The following ATP2C1 variants were observed in gnomAD, a reference collection of about 807,000 sequenced individuals.
ATP2C1 encodes the protein calcium-transporting ATPase type 2C member 1.
In ATP2C1, 31 loss-of-function variants were observed where a neutral mutation model predicts 120.5. The observed-to-expected ratio is 0.26, with a 90% confidence interval of 0.19 to 0.35. ATP2C1 has a LOEUF of 0.35. ATP2C1 is among the 10% of genes least tolerant of loss of function. The pLI is 1.00. For missense variants in ATP2C1, 731 were observed against 1,107.5 expected (o/e 0.66, Z 4.83); for synonymous variants, 351 against 358.7 (o/e 0.98, Z 0.24).
At position 130,932,157 on chromosome 3, in the gene ATP2C1, C is replaced by G; in HGVS notation, c.234+19C>G. On this transcript the variant is annotated intron_variant, in intron 4 of 27. Coordinates refer to ENST00000510168, the MANE Select transcript of ATP2C1 (RefSeq NM_001378687.1). ...TTCTCAGGTGAGATACTTTTACTTC[C>G]TCTTCTACTGTGTAATTTATTAATA... 7.2e-7 allele frequency: 1 copy of G among 1,385,214 alleles called. No individual in the cohort carries two copies. The highest frequency in any genetic ancestry group is 1.0e-6 in the Non-Finnish European group (1 of 971,606). 85.8% of individuals were successfully genotyped at this position (1,385,214 alleles called of 1,614,324 possible).
At chr3:130,867,424 C>T (rs894131521) in intron 1 of ATP2C1, among the ~76,000 whole-genome samples, 2 of 151,074 alleles carry the variant, frequency 1.3e-5, no homozygotes, top group African/African-American at 4.9e-5. Context: ...ATTCTCCTGC[C>T]TCAGCCTGCC....
rs1374740235 is a variant in ATP2C1, at chr3:130,953,994, T to G, written c.687+18T>G. ...AAGCAAAGGTAAATTTTTTTCCTGA[T>G]TTGAAAAAAGCAGTTCCTTTGTTTG... On this transcript the variant is annotated intron_variant, in intron 9 of 27. Coordinates refer to ENST00000510168, the MANE Select transcript of ATP2C1 (RefSeq NM_001378687.1). The G allele has an allele frequency of 2.5e-6, 4 of 1,613,534 alleles. No individual in the cohort carries two copies. The highest frequency in any genetic ancestry group is 1.3e-5 in the African/African-American group (1 of 74,916).
At chr3:130,973,332 G>A (rs569920335) in intron 17 of ATP2C1, among the ~76,000 whole-genome samples, 2 of 152,252 alleles carry the variant, frequency 1.3e-5, no homozygotes, top group South Asian at 2.1e-4. Context: ...CACTTGGAGA[G>A]GGAGAATTCG....
intron 20 of ATP2C1, among the ~76,000 whole-genome samples, chr3:130,986,998 G>C (rs1221721045): frequency 6.6e-6 from 1 of 151,158 alleles, no homozygotes; most frequent in East Asian, 1.9e-4. Flanking sequence ...GGAGTGCAGT[G>C]GCATGATCAT....
intron 25 of ATP2C1, among the ~76,000 whole-genome samples, chr3:130,998,059 G>A (rs529196275): frequency 6.6e-6 from 1 of 151,742 alleles, no homozygotes; most frequent in Non-Finnish European, 1.5e-5. Context: ...AATAATAACA[G>A]TATTTTAATA....
intron 20 of ATP2C1, among the ~76,000 whole-genome samples, chr3:130,990,626 C>G (rs1246667608): frequency 6.6e-6 from 1 of 152,178 alleles, no homozygotes; most frequent in Admixed American, 6.5e-5. Context: ...GACACGCGAT[C>G]TCACTTCTGT....
chr3:130,996,303 G>A (rs2108917225), intron 23 of ATP2C1, 192 bp downstream of exon 23: 2 of 609,912 alleles, frequency 3.3e-6, no homozygotes, highest in East Asian at 5.6e-5. Context: ...AAATGTAACA[G>A]TTAGATGTCT....
intron 2 of ATP2C1, among the ~76,000 whole-genome samples, chr3:130,900,950 C>A (rs1402464997): frequency 6.6e-6 from 1 of 152,162 alleles, no homozygotes; most frequent in Admixed American, 6.5e-5. Context: ...TCCCTAGCAG[C>A]ATGTTTGCTT....
intron 20 of ATP2C1, among the ~76,000 whole-genome samples, chr3:130,988,059 A>G (rs894363221): frequency 2.0e-5 from 3 of 152,140 alleles, no homozygotes; most frequent in Admixed American, 2.0e-4. Context: ...TACTGAATCT[A>G]TTCACCAAGT....
intron 1 of ATP2C1, among the ~76,000 whole-genome samples, chr3:130,888,130 T>A (rs1302289582): frequency 6.6e-6 from 1 of 152,172 alleles, no homozygotes; most frequent in Non-Finnish European, 1.5e-5. Context: ...GTGTCATCTA[T>A]GAGTTAGGGT....
intron 18 of ATP2C1, among the ~76,000 whole-genome samples, chr3:130,976,480 T>C (rs16835462): frequency 0.059 from 8,941 of 152,210 alleles, 840 homozygotes; most frequent in African/African-American, 0.2. Flanking sequence ...TGTGACCATC[T>C]TAACACTTCA....
At chr3:130,872,698 C>A (rs2068474785) in intron 1 of ATP2C1, among the ~76,000 whole-genome samples, 2 of 152,074 alleles carry the variant, frequency 1.3e-5, no homozygotes, top group South Asian at 4.1e-4. Context: ...GATTCTCCTG[C>A]CTTAGCCTCC....
chr3:130,950,340 T>A (rs1030032100), intron 8 of ATP2C1, among the ~76,000 whole-genome samples: 3 of 152,134 alleles, frequency 2.0e-5, no homozygotes, highest in African/African-American at 7.2e-5. Context: ...TCTGAGGGTT[T>A]AATACTTAAA....
At chr3:131,001,035 G>A (rs946523992) in intron 27 of ATP2C1, among the ~76,000 whole-genome samples, 185 bp from the exon 28 acceptor site, 1 of 150,422 alleles carries the variant, frequency 6.6e-6, no homozygotes, top group Non-Finnish European at 1.5e-5. Context: ...CCCAGGAGGC[G>A]GAGGTTGCAG....
chr3:130,896,130 C>T (rs774559005), intron 2 of ATP2C1, among the ~76,000 whole-genome samples: 38 of 152,136 alleles, frequency 2.5e-4, no homozygotes, highest in Non-Finnish European at 4.4e-4. Context: ...TCTTAAATAA[C>T]TTCTAACATT....
At chr3:130,991,029 A>G (rs988309150) in intron 20 of ATP2C1, among the ~76,000 whole-genome samples, 7 of 152,210 alleles carry the variant, frequency 4.6e-5, no homozygotes, top group Non-Finnish European at 1.0e-4. Context: ...AAAAAAATGC[A>G]TGTAAGTAAA....
At chr3:130,886,753 T>A (rs1382169032) in intron 1 of ATP2C1, among the ~76,000 whole-genome samples, 3 of 152,236 alleles carry the variant, frequency 2.0e-5, no homozygotes, top group Admixed American at 6.5e-5. Context: ...TTTTCTGTTA[T>A]CTTGAATTTC....
chr3:130,944,378 TCA>T (rs1313780708), intron 8 of ATP2C1, among the ~76,000 whole-genome samples: 1 of 152,248 alleles, frequency 6.6e-6, no homozygotes, highest in Non-Finnish European at 1.5e-5. Flanking sequence ...CATTTATTTT[TCA>T]CAGTTACGGA....
chr3:130,989,491 G>A (rs1420954651), intron 20 of ATP2C1, among the ~76,000 whole-genome samples: 1 of 149,332 alleles, frequency 6.7e-6, no homozygotes, highest in Admixed American at 6.7e-5. Context: ...CTTGAACCCG[G>A]GAGGAGGAGG....
Sources: allele counts gnomAD v4.1 joint callset (sites outside exome capture counted in the v4.1 genomes callset), GRCh38; gene constraint gnomAD v4.1.1; transcripts MANE v1.5; gene names NCBI Gene and HGNC (gene_info 2026-07-23, HGNC 2026-07-21).